Variants in GSR observed in about 807,000 individuals in gnomAD.
GSR encodes glutathione-disulfide reductase.
GSR carries 48 observed loss-of-function variants against 56.5 expected under a neutral mutation model. The observed-to-expected ratio is 0.85, with a 90% CI of 0.67 to 1.08. The LOEUF is 1.08. Among genes scored for constraint, GSR ranks in the 50% least tolerant of loss-of-function variants. The pLI is 0.00. For missense variants in GSR, 694 were observed against 703.3 expected (o/e 0.99, Z 0.15); for synonymous variants, 264 against 270.8 (o/e 0.97, Z 0.25).
At position 30,727,837 on chromosome 8, in the gene GSR, C is replaced by A. The variant is rs546196666; in HGVS notation, c.-2G>T. Reference sequence around the variant, plus strand: ...CAGGGCTCGGGGCAGCAGGGCCATGCACGCGGAAGTGGCGCGCCAAGTGGG... The same window carrying A: ...CAGGGCTCGGGGCAGCAGGGCCATGAACGCGGAAGTGGCGCGCCAAGTGGG... On this transcript the variant is annotated 5_prime_UTR_variant, in exon 1 of 13. Coordinates refer to ENST00000221130, the MANE Select transcript of GSR (RefSeq NM_000637.5). The A allele has an allele frequency of 4.9e-6, 6 of 1,214,498 alleles. No individual in the cohort carries two copies. The African/African-American group carries it at 9.5e-5, about 19-fold the overall frequency. 75.2% of individuals were successfully genotyped at this position (1,214,498 alleles called of 1,614,324 possible).
chr8:30,709,791 A>C (rs754276131), intron 3 of GSR, 23 bp downstream of exon 3: 1 of 1,300,068 alleles, frequency 7.7e-7, no homozygotes, highest in Admixed American at 1.7e-5. Context: ...TGGAAACTGA[A>C]CCCTCTGAGT....
intron 7 of GSR, among the ~76,000 whole-genome samples, chr8:30,694,454 C>T (rs548609695): frequency 2.6e-5 from 4 of 152,152 alleles, no homozygotes; most frequent in South Asian, 2.1e-4. Flanking sequence ...CAACTACAGG[C>T]GTATACCACT....
Position 30,682,042 on chromosome 8 carries a change from T to G in GSR, c.1173A>C (p.Arg391=), listed in dbSNP as rs2128736930. The part of the protein sequence containing the change: ...LLTPVAIAAG[R]KLAHRLFEYK... ...ATTCAAAAAGTCGATGGGCAAGTTT[T>G]CGGCCAGCAGCTATTGCAACTATGG... The change falls in exon 11 of 13, where the codon CGA becomes CGC. Residue 391 remains arginine, a synonymous_variant. Coordinates refer to ENST00000221130, the MANE Select transcript of GSR (RefSeq NM_000637.5). The G allele has an allele frequency of 6.2e-7, 1 of 1,613,530 alleles. No individual in the cohort carries two copies. The highest frequency in any genetic ancestry group is 8.5e-7 in the Non-Finnish European group (1 of 1,179,442).
At chr8:30,701,936 G>A (rs966057276) in intron 5 of GSR, among the ~76,000 whole-genome samples, 12 of 151,428 alleles carry the variant, frequency 7.9e-5, no homozygotes, top group African/African-American at 2.9e-4. Flanking sequence ...GAAAGATATC[G>A]CTTGAGCCAT....
chr8:30,710,320 A>AAAT lies in GSR; in HGVS notation c.334-421_334-419dup, dbSNP rs978473967. Among the ~76,000 whole-genome samples the AAAT allele has an allele frequency of 7.1e-4, 108 of 151,820 alleles. 1 individual carries two copies. Among genetic ancestry groups the AAAT allele is most frequent in the South Asian group, 4.0e-3 (19 of 4,798 alleles). On this transcript the variant is annotated intron_variant, in intron 2 of 12. Coordinates refer to ENST00000221130, the MANE Select transcript of GSR (RefSeq NM_000637.5). ...GACAGAGTCTCTGTCTCAAAAGATAAAATAATAATAATAATAATAAATAAA... is the reference window on the plus strand; with the variant it reads ...GACAGAGTCTCTGTCTCAAAAGATAAAATAATAATAATAATAATAATAAATAAA...
chr8:30,701,794 CAAAAAAAA>C (rs34877158), intron 5 of GSR, among the ~76,000 whole-genome samples: 12 of 72,324 alleles, frequency 1.7e-4, no homozygotes, highest in Admixed American at 2.2e-4. Flanking sequence ...ATCTGTCTCA[CAAAAAAAA>C]AAAAAAAAAA....
intron 1 of GSR, among the ~76,000 whole-genome samples, chr8:30,720,806 C>G: frequency 6.6e-6 from 1 of 152,026 alleles, no homozygotes; most frequent in East Asian, 1.9e-4. Context: ...CTTCCAGTCT[C>G]AGGAAATCAC....
intron 7 of GSR, among the ~76,000 whole-genome samples, chr8:30,694,881 C>T (rs1469596029): frequency 8.0e-6 from 1 of 124,272 alleles, no homozygotes; most frequent in Non-Finnish European, 1.6e-5. Flanking sequence ...CTGGGCAACA[C>T]AGTGAGACTC....
At chr8:30,716,344 C>A (rs1241100832) in intron 1 of GSR, among the ~76,000 whole-genome samples, 1 of 152,212 alleles carries the variant, frequency 6.6e-6, no homozygotes, top group East Asian at 1.9e-4. Context: ...GCACAACACA[C>A]TTTGGGGCCT....
chr8:30,727,474 C>T lies in GSR; in HGVS notation c.306+56G>A, dbSNP rs905150388. On this transcript the variant is annotated intron_variant, in intron 1 of 12. Transcript: ENST00000221130. ...CCATAGGAACGAGCACAGGCTGTCC[C>T]CCGAAAGACCGAGACAAAGAGGCGC... 7 of 1,470,586 alleles carry T rather than the reference C, an allele frequency of 4.8e-6. No homozygotes were observed. In the Middle Eastern group the frequency reaches 6.9e-4, roughly 144 times the overall value. The allele number at this position is 1,470,586 out of a possible 1,614,324, so 91.1% of individuals were successfully genotyped here.
At chr8:30,692,322 G>C (rs1049021685) in intron 8 of GSR, among the ~76,000 whole-genome samples, 2 of 134,140 alleles carry the variant, frequency 1.5e-5, no homozygotes, top group Non-Finnish European at 3.1e-5. Context: ...CTCCTGCCCC[G>C]AGTAGCTGGA....
intron 1 of GSR, among the ~76,000 whole-genome samples, chr8:30,718,085 G>C (rs1426033441): frequency 6.7e-6 from 1 of 150,344 alleles, no homozygotes; most frequent in Non-Finnish European, 1.5e-5. Context: ...TGGGCAACAA[G>C]AGTGAAATTC....
intron 1 of GSR, among the ~76,000 whole-genome samples, chr8:30,716,734 G>A (rs1317488921): frequency 7.2e-5 from 11 of 152,048 alleles, no homozygotes; most frequent in Admixed American, 7.2e-4. Context: ...TTGAGCTTGG[G>A]AGGTCAAGGC....
chr8:30,727,725 C>A lies in GSR; in HGVS notation c.111G>T (p.Thr37=). The change falls in exon 1 of 13, where the codon ACG becomes ACT. Residue 37 remains threonine, a synonymous_variant. Coordinates refer to ENST00000221130, the MANE Select transcript of GSR (RefSeq NM_000637.5). ...LLLLPEPAAL[T]RALSRAMACR... is the part of the protein sequence containing the mutation. ...AGGCCATGGCACGGGAGAGGGCGCG[C>A]GTGAGGGCCGCGGGCTCGGGCAGAA... The A allele has an allele frequency of 7.1e-7, 1 of 1,406,042 alleles. No homozygotes were observed. Among genetic ancestry groups the A allele is most frequent in the Non-Finnish European group, 9.2e-7 (1 of 1,084,958 alleles). 87.1% of individuals were successfully genotyped at this position (1,406,042 alleles called of 1,614,324 possible).
At chr8:30,680,381 G>GTTTTTTT (rs34342136) in intron 12 of GSR, among the ~76,000 whole-genome samples, 2 of 33,372 alleles carry the variant, frequency 6.0e-5, no homozygotes, top group African/African-American at 9.5e-5. Flanking sequence ...GGCCTCTCCT[G>GTTTTTTT]TTTTTTTTTT....
At chr8:30,688,428 A>C (rs1052924241) in intron 9 of GSR, among the ~76,000 whole-genome samples, 1 of 151,650 alleles carries the variant, frequency 6.6e-6, no homozygotes, top group Admixed American at 6.6e-5. Context: ...AAAACTTAAA[A>C]ATTAGCCAGG....
At chr8:30,704,654 A>G (rs191086319) in intron 4 of GSR, 1 of 152,356 alleles carries the variant, frequency 6.6e-6, no homozygotes, top group African/African-American at 2.4e-5. Context: ...TACAAGAATA[A>G]TGGAACCATG....
chr8:30,683,647 C>G (rs1803030415), intron 10 of GSR, among the ~76,000 whole-genome samples: 1 of 151,434 alleles, frequency 6.6e-6, no homozygotes, highest in Admixed American at 6.6e-5. Flanking sequence ...GTGATCCTAG[C>G]TACTTGGGAG....
At chr8:30,721,088 C>G (rs939662629) in intron 1 of GSR, among the ~76,000 whole-genome samples, 2 of 150,428 alleles carry the variant, frequency 1.3e-5, no homozygotes, top group Admixed American at 1.3e-4. Context: ...AGAGTGAGAC[C>G]CTGCCTCAAA....
Sources: gnomAD v4.1 joint callset for allele counts (sites outside exome capture counted in the v4.1 genomes callset) on GRCh38, gnomAD v4.1.1 for gene constraint, MANE v1.5 for transcripts, NCBI Gene and HGNC (gene_info 2026-07-23, HGNC 2026-07-21) for gene names.